The following PIK3CA variants were observed in gnomAD, a reference collection of about 807,000 sequenced individuals.
PIK3CA encodes phosphatidylinositol-4,5-bisphosphate 3-kinase catalytic subunit alpha, also known as phosphatidylinositol 4,5-bisphosphate 3-kinase catalytic subunit alpha isoform.
Under a neutral mutation model 138.2 loss-of-function variants are expected in PIK3CA, and 27 were observed. The observed-to-expected ratio is 0.20, with a 90% CI of 0.14 to 0.27. The LOEUF (loss-of-function observed/expected upper bound fraction) is 0.27, where lower values mean the gene tolerates loss of function less well. PIK3CA is among the 10% of genes least tolerant of loss of function. The probability of loss-of-function intolerance (pLI) is 1.00; values close to 1 mark genes in which losing one functional copy is unlikely to be tolerated. For missense variants in PIK3CA, 544 were observed against 1,277.4 expected (o/e 0.43, Z 8.75); for synonymous variants, 358 against 413.2 (o/e 0.87, Z 1.62).
intron 1 of PIK3CA, among the ~76,000 whole-genome samples, chr3:179,155,068 C>T (rs1372012869): frequency 1.3e-5 from 2 of 152,132 alleles, no homozygotes; most frequent in African/African-American, 4.8e-5. Flanking sequence ...AAGAAAAAAA[C>T]TGTATAGGGA....
At chr3:179,157,713 G>A (rs1723175046) in intron 1 of PIK3CA, among the ~76,000 whole-genome samples, 1 of 151,998 alleles carries the variant, frequency 6.6e-6, no homozygotes, top group Non-Finnish European at 1.5e-5. Flanking sequence ...TCTTAGAAAA[G>A]CCACAAAATA....
Position 179,203,591 on chromosome 3 carries a change from G to A in PIK3CA, c.861G>A (p.Leu287=), listed in dbSNP as rs2108392661. The A allele has an allele frequency of 6.2e-7, 1 of 1,613,852 alleles. No homozygotes were observed. Among genetic ancestry groups the A allele is most frequent in the Admixed American group, 1.7e-5 (1 of 60,004 alleles). The change falls in exon 5 of 21, where the codon TTG becomes TTA. Residue 287 remains leucine (L), a synonymous_variant. Transcript: ENST00000263967. ...TTGGGAGGATGCCCAATTTGATGTT[G>A]ATGGCTAAAGAAAGCCTTTATTCTC... The part of the protein sequence containing the change: ...IMLGRMPNLM[L]MAKESLYSQL...
intron 1 of PIK3CA, among the ~76,000 whole-genome samples, chr3:179,181,972 G>A (rs1287982699): frequency 6.6e-6 from 1 of 152,172 alleles, no homozygotes; most frequent in African/African-American, 2.4e-5. Flanking sequence ...ACACAAAAGA[G>A]TTGTCCTTTA....
rs1724482664 is a variant in PIK3CA, at chr3:179,203,727, G to A, written c.997G>A (p.Ala333Thr). ...AAAATCCCTTTGGGTTATAAATAGTGCACTCAGAATAAAAATTCTTTGTGC... is the reference window on the plus strand; with the variant it reads ...AAAATCCCTTTGGGTTATAAATAGTACACTCAGAATAAAAATTCTTTGTGC... ...STKSLWVINSALRIKILCATY... is the reference protein window; with the variant it reads ...STKSLWVINSTLRIKILCATY... The change falls in exon 5 of 21, where the codon GCA becomes ACA. Residue 333 changes from alanine (A) to threonine (T), a missense_variant. By Grantham distance (58) the Ala-to-Thr change is moderately conservative. Coordinates refer to ENST00000263967, the MANE Select transcript of PIK3CA (RefSeq NM_006218.4). 1 of 1,612,300 alleles carries A rather than the reference G, an allele frequency of 6.2e-7. No homozygotes were observed. Among genetic ancestry groups the A allele is most frequent in the African/African-American group, 1.3e-5 (1 of 74,986 alleles).
At chr3:179,209,081 G>A (rs955621432) in intron 6 of PIK3CA, among the ~76,000 whole-genome samples, 3 of 149,466 alleles carry the variant, frequency 2.0e-5, no homozygotes, top group Non-Finnish European at 4.4e-5. Context: ...GACGTATGTA[G>A]CACACATGCA....
intron 1 of PIK3CA, among the ~76,000 whole-genome samples, chr3:179,182,959 CATT>C (rs1723886066): frequency 6.6e-6 from 1 of 152,192 alleles, no homozygotes; most frequent in Non-Finnish European, 1.5e-5. Context: ...CATGACTTCA[CATT>C]GTTGTTGCTT....
intron 1 of PIK3CA, among the ~76,000 whole-genome samples, chr3:179,151,410 T>A (rs1284725769): frequency 6.6e-6 from 1 of 152,234 alleles, no homozygotes; most frequent in Non-Finnish European, 1.5e-5. Flanking sequence ...AGATCTCCAT[T>A]TCCTATATTT....
chr3:179,221,689 A>G (rs1157065170), intron 14 of PIK3CA, among the ~76,000 whole-genome samples: 1 of 146,230 alleles, frequency 6.8e-6, no homozygotes, highest in African/African-American at 2.6e-5. Flanking sequence ...AGGAAATACA[A>G]TGTAAACTTT....
intron 1 of PIK3CA, among the ~76,000 whole-genome samples, chr3:179,173,404 C>CAAAAAAAAAAAAAAAAAAA (rs749831764): frequency 2.3e-5 from 1 of 43,108 alleles, no homozygotes; most frequent in Non-Finnish European, 4.7e-5. Context: ...GCTAAAAATA[C>CAAAAAAAAAAAAAAAAAAA]AAAAAAAAAA....
intron 4 of PIK3CA, among the ~76,000 whole-genome samples, chr3:179,202,348 G>A (rs189757632): frequency 4.6e-5 from 7 of 152,270 alleles, no homozygotes; most frequent in East Asian, 3.9e-4. Flanking sequence ...GGGATTACAG[G>A]CGTGAGCCAT....
intron 1 of PIK3CA, among the ~76,000 whole-genome samples, chr3:179,173,526 C>T (rs1723617927): frequency 6.7e-6 from 1 of 150,180 alleles, no homozygotes; most frequent in South Asian, 2.2e-4. Flanking sequence ...TTGCAGTGAG[C>T]CTATATCGTG....
At position 179,236,315 on chromosome 3, in the gene PIK3CA, G is replaced by A. The variant is rs1007594939; in HGVS notation, c.*1951G>A. 128 of 209,064 alleles carry A rather than the reference G, an allele frequency of 6.1e-4. 2 individuals carry two copies. Among genetic ancestry groups the A allele is most frequent in the Middle Eastern group, 4.5e-3 (3 of 666 alleles). 13.0% of individuals were successfully genotyped at this position (209,064 alleles called of 1,614,324 possible). A position where few individuals can be genotyped will look rare whatever the true frequency, so the allele number is the denominator to read the frequency against. On this transcript the variant is annotated 3_prime_UTR_variant, in exon 21 of 21. Coordinates refer to ENST00000263967, the MANE Select transcript of PIK3CA (RefSeq NM_006218.4). ...CTGCAAACTGTCTTGCGATAGTTAA[G>A]CAGAATTTAAACTCTGTTTTAAGCA...
chr3:179,204,378 GA>G (rs1560139795), intron 5 of PIK3CA, 124 bp from the exon 6 acceptor site: 10 of 514,806 alleles, frequency 1.9e-5, no homozygotes, highest in Admixed American at 3.0e-5. Flanking sequence ...TTACATATGT[GA>G]AAAAAAGGAG....
At chr3:179,187,720 C>G (rs1296687294) in intron 1 of PIK3CA, among the ~76,000 whole-genome samples, 1 of 151,264 alleles carries the variant, frequency 6.6e-6, no homozygotes, top group Non-Finnish European at 1.5e-5. Context: ...TCACTGCAAC[C>G]TCCACCTCCC....
At chr3:179,229,065 G>A (rs1480909679) in intron 17 of PIK3CA, among the ~76,000 whole-genome samples, 4 of 151,952 alleles carry the variant, frequency 2.6e-5, no homozygotes, top group African/African-American at 9.7e-5. Flanking sequence ...CTCAGTTGAA[G>A]GTTATAATAA....
chr3:179,224,134 T>C lies in PIK3CA; in HGVS notation c.2241T>C (p.Ala747=), dbSNP rs2108416803. ...EQMRRPDFMD[A]LQGFLSPLNP... is the part of the protein sequence containing the mutation. ...TGAGGCGACCAGATTTCATGGATGC[T>C]CTACAGGGCTTTCTGTCTCCTCTAA... Residue 747 remains alanine, a synonymous_variant, in exon 15 of 21, where the codon GCT becomes GCC. Coordinates refer to ENST00000263967, the MANE Select transcript of PIK3CA (RefSeq NM_006218.4). 6.2e-7 allele frequency: 1 copy of C among 1,604,618 alleles called. No individual in the cohort carries two copies. Among genetic ancestry groups the C allele is most frequent in the Non-Finnish European group, 8.5e-7 (1 of 1,173,300 alleles).
At chr3:179,224,293 A>G in intron 15 of PIK3CA, 106 bp downstream of exon 15, 2 of 589,016 alleles carry the variant, frequency 3.4e-6, no homozygotes, top group Non-Finnish European at 6.0e-6. Flanking sequence ...TCAATAATTT[A>G]TGCTTCTCTC....
intron 1 of PIK3CA, among the ~76,000 whole-genome samples, chr3:179,185,017 C>CTTA (rs1288667756): frequency 6.6e-6 from 1 of 152,126 alleles, no homozygotes; most frequent in Non-Finnish European, 1.5e-5. Flanking sequence ...ATAAGCTAGC[C>CTTA]GTTGATTTTT....
chr3:179,180,180 A>T (rs1200212783), intron 1 of PIK3CA, among the ~76,000 whole-genome samples: 1 of 152,162 alleles, frequency 6.6e-6, no homozygotes, highest in Non-Finnish European at 1.5e-5. Flanking sequence ...GACACTGTAG[A>T]TAATGAAGTG....
Sources: allele counts gnomAD v4.1 joint callset (sites outside exome capture counted in the v4.1 genomes callset), GRCh38; gene constraint gnomAD v4.1.1; transcripts MANE v1.5; gene names NCBI Gene and HGNC (gene_info 2026-07-23, HGNC 2026-07-21).